Variants in NLRP9 observed in about 807,000 individuals in gnomAD.
NLRP9 encodes the protein NACHT, LRR and PYD domains-containing protein 9.
In NLRP9, 88 loss-of-function variants were observed where a neutral mutation model predicts 83.1. That is an observed-to-expected ratio of 1.06 (90% CI 0.89 to 1.26). The LOEUF (loss-of-function observed/expected upper bound fraction) is 1.26, where lower values mean the gene tolerates loss of function less well. NLRP9 is among the 50% of genes most tolerant of loss of function. The pLI is 0.00. For synonymous variants in NLRP9, 521 were observed against 447.6 expected, an observed-to-expected ratio of 1.16 and a Z score of -2.07; for missense variants, 1,308 against 1,179.3, an observed-to-expected ratio of 1.11 and a Z score of -1.60.
intron 4 of NLRP9, among the ~76,000 whole-genome samples, chr19:55,723,124 ACT>A (rs1988282546): frequency 6.6e-6 from 1 of 152,168 alleles, no homozygotes; most frequent in East Asian, 1.9e-4. Context: ...GTACACATGT[ACT>A]CCAGAACTTA....
chr19:55,733,477 G>C lies in NLRP9; in HGVS notation c.354C>G (p.His118Gln). 1 of 1,613,088 alleles carries C rather than the reference G, an allele frequency of 6.2e-7. No individual in the cohort carries two copies. Among genetic ancestry groups the C allele is most frequent in the Non-Finnish European group, 8.5e-7 (1 of 1,179,536 alleles). ...TTTCTTTGTAGAAATGCTCAGGGAC[G>C]TGAAGACAGGTTTCCTTCTCCCATA... The part of the protein sequence containing the change: ...QLIWEKETCL[H>Q]VPEHFYKETM... The change falls in exon 2 of 9, where the codon CAC becomes CAG. Residue 118 changes from histidine to glutamine, a missense_variant. Transcript: ENST00000332836.
intron 4 of NLRP9, among the ~76,000 whole-genome samples, chr19:55,720,381 G>T (rs1434280024): frequency 1.3e-5 from 2 of 152,172 alleles, no homozygotes; most frequent in East Asian, 1.9e-4. Flanking sequence ...ACAGTGCAGT[G>T]ACGTGATGAC....
At chr19:55,725,072 T>A (rs1430754962) in intron 3 of NLRP9, among the ~76,000 whole-genome samples, 2 of 152,028 alleles carry the variant, frequency 1.3e-5, no homozygotes, top group Non-Finnish European at 2.9e-5. Flanking sequence ...AAAAAAGAAA[T>A]GAGCATTTAT....
chr19:55,737,986 A>AC, intron 1 of NLRP9, 109 bp downstream of exon 1: 1 of 1,048,284 alleles, frequency 9.5e-7, no homozygotes, highest in Non-Finnish European at 1.4e-6. Context: ...TCTCACCTTG[A>AC]CCCACACACA....
rs985171210 is a variant in NLRP9, at chr19:55,715,111, T to C, written c.2445A>G (p.Gly815=). The change falls in exon 6 of 9, where the codon GGA becomes GGG. Residue 815 remains glycine, a synonymous_variant. Transcript: ENST00000332836. ...DLGSNALEDN[G]VASLCAALKH... ...TCAGCGCTGCACACAGAGATGCCAC[T>C]CCATTATCTTCCAGGGCATTTGAGC... The C allele has an allele frequency of 8.1e-6, 13 of 1,612,942 alleles. No individual in the cohort carries two copies. Among genetic ancestry groups the C allele is most frequent in the Admixed American group, 1.7e-5 (1 of 59,944 alleles).
intron 6 of NLRP9, 36 bp from the exon 7 acceptor site, chr19:55,712,626 A>C: frequency 6.3e-7 from 1 of 1,585,342 alleles, no homozygotes; most frequent in Non-Finnish European, 8.6e-7. Context: ...ACGTACACTT[A>C]TGAGGTCAAT....
In NLRP9 at chr19:55,733,918, A is replaced by ATTTTTTT. The variant is rs1423854158; in HGVS notation, c.281-369_281-368insAAAAAAA. Among the ~76,000 whole-genome samples, 76 of 118,068 alleles carry ATTTTTTT rather than the reference A, an allele frequency of 6.4e-4. 1 individual carries two copies. The East Asian group carries it at 8.2e-3, about 13-fold the overall frequency. 77.5% of individuals were successfully genotyped at this position (118,068 alleles called of 152,430 possible). A position where few individuals can be genotyped will look rare whatever the true frequency, so the allele number is the denominator to read the frequency against. ...GATAAACTCAACCAGTTGTCAACCA[A>ATTTTTTT]ATTTTTTTTTTTTTTTTTTTTTGAG... is the stretch of plus-strand genomic sequence containing the variant. On this transcript the variant is annotated intron_variant, in intron 1 of 8. Transcript: ENST00000332836.
At position 55,716,849 on chromosome 19, in the gene NLRP9, C is replaced by T. The variant is rs374061744; in HGVS notation, c.2209G>A (p.Val737Ile). 7.3e-5 allele frequency: 117 copies of T among 1,613,706 alleles called. No homozygotes were observed. Among genetic ancestry groups the T allele is most frequent in the South Asian group, 3.0e-4 (27 of 91,090 alleles). The change falls in exon 5 of 9, where the codon GTC becomes ATC. Residue 737 changes from valine to isoleucine, a missense_variant. By Grantham distance (29) the Val-to-Ile change is conservative (BLOSUM62 3). Transcript: ENST00000332836. ...SSEVCEDIASVLACNSKLKHL... is the reference protein window; with the variant it reads ...SSEVCEDIASILACNSKLKHL... ...TTCAGCTTGCTGTTGCAGGCCAGGA[C>T]GGAGGCGATGTCTTCACAAACTTCA...
At chr19:55,722,703 T>G (rs1988267029) in intron 4 of NLRP9, among the ~76,000 whole-genome samples, 2 of 152,160 alleles carry the variant, frequency 1.3e-5, no homozygotes, top group African/African-American at 4.8e-5. Context: ...CACATGTATG[T>G]TTACTGCGGC....
intron 8 of NLRP9, chr19:55,711,500 T>C (rs761053942): frequency 1.5e-6 from 2 of 1,356,114 alleles, no homozygotes; most frequent in Middle Eastern, 2.0e-4. Flanking sequence ...TATAGAGCAG[T>C]GGTTCTCACC....
At position 55,712,541 on chromosome 19, in the gene NLRP9, C is replaced by T; in HGVS notation, c.2551G>A (p.Val851Ile). The T allele has an allele frequency of 6.2e-7, 1 of 1,612,600 alleles. No individual in the cohort carries two copies. ...TSDSCKDIAA[V>I]LICNGKLKTL... is the part of the protein sequence containing the mutation. ...TTCAGTTTCCCATTGCAAATAAGAA[C>T]AGCAGCAATGTCCTTACAGGAATCG... Residue 851 changes from valine (V) to isoleucine (I), a missense_variant, in exon 7 of 9, where the codon GTT (valine) becomes ATT (isoleucine). Coordinates refer to ENST00000332836, the MANE Select transcript of NLRP9 (RefSeq NM_176820.4).
chr19:55,730,621 G>A (rs1028288663), intron 2 of NLRP9, among the ~76,000 whole-genome samples: 8 of 152,100 alleles, frequency 5.3e-5, no homozygotes, highest in African/African-American at 1.7e-4. Context: ...CATGGATGGA[G>A]CGGGAGGCCA....
intron 4 of NLRP9, among the ~76,000 whole-genome samples, chr19:55,718,279 G>T (rs1192932584): frequency 6.6e-6 from 1 of 152,164 alleles, no homozygotes; most frequent in African/African-American, 2.4e-5. Flanking sequence ...CATGGGAAAG[G>T]AAAGACTTTA....
chr19:55,731,072 T>C (rs1274659139), intron 2 of NLRP9, among the ~76,000 whole-genome samples: 2 of 152,186 alleles, frequency 1.3e-5, no homozygotes, highest in African/African-American at 2.4e-5. Context: ...GAATACTCGA[T>C]TGTTCTGTGA....
intron 8 of NLRP9, 183 bp from the exon 9 acceptor site, chr19:55,709,227 T>C (rs1987596455): frequency 4.8e-6 from 2 of 420,634 alleles, no homozygotes; most frequent in Admixed American, 9.1e-5. Flanking sequence ...CTCTGATTTA[T>C]ACCATAAAGT....
chr19:55,735,833 G>A lies in NLRP9; in HGVS notation c.280+2262C>T, dbSNP rs541856605. Among the ~76,000 whole-genome samples the A allele has an allele frequency of 3.7e-4, 56 of 151,836 alleles. No homozygotes were observed. The South Asian group carries it at 5.2e-3, about 14-fold the overall frequency. ...CTCCCGAGTAGCTGGGATTACAGGC[G>A]TGCACCACCACGCCTGGGTAATTTT... On this transcript the variant is annotated intron_variant, in intron 1 of 8. Transcript: ENST00000332836.
chr19:55,730,113 G>A, intron 2 of NLRP9, 121 bp from the exon 3 acceptor site: 3 of 848,646 alleles, frequency 3.5e-6, no homozygotes, highest in Non-Finnish European at 5.4e-6. Flanking sequence ...GCCTGAACAG[G>A]GAGAAGGTCA....
At chr19:55,738,011 A>C in intron 1 of NLRP9, 84 bp downstream of exon 1, 2 of 1,260,314 alleles carry the variant, frequency 1.6e-6, no homozygotes, top group Admixed American at 1.7e-5. Flanking sequence ...CATCTGATGG[A>C]GGGGGTGGCC....
chr19:55,735,515 C>A (rs1398217555), intron 1 of NLRP9, among the ~76,000 whole-genome samples: 1 of 152,086 alleles, frequency 6.6e-6, no homozygotes, highest in Non-Finnish European at 1.5e-5. Flanking sequence ...TGGCTCATAG[C>A]TTGATCTGTG....
Sources: gnomAD v4.1 joint callset for allele counts (sites outside exome capture counted in the v4.1 genomes callset) on GRCh38, gnomAD v4.1.1 for gene constraint, MANE v1.5 for transcripts, NCBI Gene and HGNC (gene_info 2026-07-23, HGNC 2026-07-21) for gene names.